Variants in CHAF1A observed in about 807,000 individuals in gnomAD.
CHAF1A encodes the protein CAF-1 subunit A.
In CHAF1A, 5 loss-of-function variants were observed where a neutral mutation model predicts 93.2. The observed-to-expected ratio is 0.05, with a 90% CI of 0.03 to 0.11. The LOEUF is 0.11. Among genes scored for constraint, CHAF1A ranks in the 10% least tolerant of loss-of-function variants. The probability of loss-of-function intolerance (pLI) is 1.00; values close to 1 mark genes in which losing one functional copy is unlikely to be tolerated. For missense variants in CHAF1A, 1,102 were observed against 1,259.9 expected, an observed-to-expected ratio of 0.87 and a Z score of 1.90; for synonymous variants, 504 against 510.3, an observed-to-expected ratio of 0.99 and a Z score of 0.17.
intron 11 of CHAF1A, chr19:4,430,888 A>T: frequency 2.0e-6 from 1 of 508,606 alleles, no homozygotes; most frequent in East Asian, 3.5e-5. Flanking sequence ...CTGGTGAGGG[A>T]GCGTGGCCAT....
In CHAF1A at chr19:4,429,471, C is replaced by G; in HGVS notation, c.1638C>G (p.Asp546Glu). Residue 546 changes from aspartate (D) to glutamate (E), a missense_variant, in exon 9 of 15, where the codon GAC becomes GAG. Physicochemically the swap from Asp to Glu is conservative, Grantham distance 45. Transcript: ENST00000301280. ...DVVIVERGKG[D>E]GVPERRKFGR... ...TCATCGTGGAGCGTGGGAAGGGCGA[C>G]GGTGTTCCCGAGAGGAGGAAGTTTG... 2 of 1,613,986 alleles carry G rather than the reference C, an allele frequency of 1.2e-6. No individual in the cohort carries two copies. Among genetic ancestry groups the G allele is most frequent in the Non-Finnish European group, 1.7e-6 (2 of 1,179,988 alleles).
chr19:4,416,734 T>C (rs1973903445), intron 3 of CHAF1A, among the ~76,000 whole-genome samples: 1 of 151,998 alleles, frequency 6.6e-6, no homozygotes, highest in Admixed American at 6.6e-5. Context: ...CCACTAAAAA[T>C]ACAAAAATTA....
chr19:4,445,823 C>G, downstream of CHAF1A: 1 of 1,034,648 alleles, frequency 9.7e-7, no homozygotes, highest in South Asian at 1.7e-5. Context: ...CACTAGCTAA[C>G]GCACGTCACC....
intron 4 of CHAF1A, among the ~76,000 whole-genome samples, chr19:4,419,343 T>G (rs964743729): frequency 2.0e-5 from 3 of 152,194 alleles, no homozygotes; most frequent in Admixed American, 6.5e-5. Context: ...GAGTGTTTCC[T>G]GAGCTCCCTG....
chr19:4,411,644 C>CTTTTTTTTTTTTTTTTTTTT (rs66491258), intron 3 of CHAF1A, among the ~76,000 whole-genome samples: 1,546 of 48,126 alleles, frequency 0.032, 469 homozygotes, highest in Non-Finnish European at 0.046. Flanking sequence ...TGGTGCAAAT[C>CTTTTTTTTTTTTTTTTTTTT]TTTTTTTTTT....
chr19:4,413,014 A>G (rs1327344841), intron 3 of CHAF1A, among the ~76,000 whole-genome samples: 2 of 152,134 alleles, frequency 1.3e-5, no homozygotes, highest in Admixed American at 6.6e-5. Flanking sequence ...ACCTTTAAGG[A>G]GTCCTGCATT....
intron 7 of CHAF1A, among the ~76,000 whole-genome samples, chr19:4,425,558 G>A (rs1234337124): frequency 6.6e-6 from 1 of 152,112 alleles, no homozygotes; most frequent in Non-Finnish European, 1.5e-5. Context: ...TGTTGCCAGG[G>A]CTGGTCTCGA....
chr19:4,431,493 G>T (rs1009414941), intron 11 of CHAF1A, among the ~76,000 whole-genome samples: 2 of 152,110 alleles, frequency 1.3e-5, no homozygotes, highest in African/African-American at 4.8e-5. Context: ...CGTTTGGGAA[G>T]TGGGGATTTG....
Position 4,442,309 on chromosome 19 carries a change from A to G in CHAF1A, c.2738A>G (p.Asp913Gly). Residue 913 changes from aspartate to glycine, a missense_variant, in exon 14 of 15, where the codon GAC becomes GGC. By Grantham distance (94) the Asp-to-Gly change is moderately conservative (BLOSUM62 -1). This residue lies in a region of CHAF1A where 119 missense variants were observed against 102.2 expected (regional missense o/e 1.16). Transcript: ENST00000301280. ...GAGGAGGAGGAAGAGGAGGAGGGCG[A>G]CTGTATGATCGTGGATGTCCCGGAT... Reference protein sequence around the residue: ...DTEEEEEEEGDCMIVDVPDAA... With the variant: ...DTEEEEEEEGGCMIVDVPDAA... The G allele has an allele frequency of 6.2e-7, 1 of 1,610,206 alleles. No individual in the cohort carries two copies. The highest frequency in any genetic ancestry group is 2.2e-5 in the East Asian group (1 of 44,824).
rs745666920 is a variant in CHAF1A at position 4,409,324 on chromosome 19, C to T, written c.525C>T (p.Thr175=). 1.2e-5 allele frequency: 19 copies of T among 1,613,990 alleles called. No homozygotes were observed. Among genetic ancestry groups the T allele is most frequent in the Non-Finnish European group, 8.5e-7 (1 of 1,180,022 alleles). ...ACAAGTTGGCATTTCCTGGAGAGAC[C>T]CTTTCAGACATTCCTTGCAAAACAG... The part of the protein sequence containing the change: ...QNDKLAFPGE[T]LSDIPCKTEE... The change falls in exon 3 of 15, where the codon ACC becomes ACT. Residue 175 remains threonine, a synonymous_variant. Coordinates refer to ENST00000301280, the MANE Select transcript of CHAF1A (RefSeq NM_005483.3).
chr19:4,435,663 C>G (rs1974270915), intron 13 of CHAF1A, among the ~76,000 whole-genome samples: 1 of 152,128 alleles, frequency 6.6e-6, no homozygotes, highest in Non-Finnish European at 1.5e-5. Context: ...AGCCACCGTG[C>G]CTGGCTCCCT....
intron 6 of CHAF1A, 51 bp downstream of exon 6, chr19:4,423,446 A>T (rs1331276088): frequency 6.2e-7 from 1 of 1,610,258 alleles, no homozygotes; most frequent in East Asian, 2.2e-5. Flanking sequence ...GGAGAAGCAG[A>T]TGCCCAAAGT....
intron 3 of CHAF1A, among the ~76,000 whole-genome samples, chr19:4,413,972 C>A (rs566459729): frequency 6.6e-6 from 1 of 152,164 alleles, no homozygotes; most frequent in Non-Finnish European, 1.5e-5. Flanking sequence ...TGTTAGTGAT[C>A]GAGATGATTA....
At chr19:4,431,654 A>T (rs962304456) in intron 11 of CHAF1A, among the ~76,000 whole-genome samples, 1 of 152,118 alleles carries the variant, frequency 6.6e-6, no homozygotes, top group Non-Finnish European at 1.5e-5. Flanking sequence ...CAACCCTGTT[A>T]AACGGCTCCA....
At chr19:4,408,870 T>C (rs776498230) in intron 2 of CHAF1A, 33 bp from the exon 3 acceptor site, 1 of 1,568,784 alleles carries the variant, frequency 6.4e-7, no homozygotes, top group African/African-American at 1.4e-5. Context: ...ACTTTAAACG[T>C]TCACTAGAGA....
chr19:4,447,758 G>A (rs1293752408), downstream of CHAF1A: 25 of 857,582 alleles, frequency 2.9e-5, no homozygotes, highest in Admixed American at 3.9e-5. Flanking sequence ...GCCCAGTGAC[G>A]CGAGGGCAGC....
chr19:4,425,335 CT>C (rs760788945), intron 7 of CHAF1A, among the ~76,000 whole-genome samples: 3 of 152,114 alleles, frequency 2.0e-5, no homozygotes, highest in Non-Finnish European at 2.9e-5. Context: ...TCACTCTAAC[CT>C]TTGTCTCCCG....
chr19:4,428,934 G>A, intron 8 of CHAF1A, 44 bp downstream of exon 8: 1 of 1,540,542 alleles, frequency 6.5e-7, no homozygotes, highest in African/African-American at 1.4e-5. Context: ...AGTGATGCTG[G>A]AGGCCAGCAT....
rs368023959 is a variant in CHAF1A, at chr19:4,418,005, G to T, written c.961-15G>T. ...AAATAACCCGTGTTTAAAGATAAAC[G>T]TCTTCTGTTTTCAGATAACTAAGAA... is the stretch of plus-strand genomic sequence containing the variant. On this transcript the variant is annotated splice_polypyrimidine_tract_variant and intron_variant, in intron 3 of 14. Coordinates refer to ENST00000301280, the MANE Select transcript of CHAF1A (RefSeq NM_005483.3). 3.0e-5 allele frequency: 47 copies of T among 1,586,160 alleles called. No homozygotes were observed. The highest frequency in any genetic ancestry group is 8.1e-5 in the African/African-American group (6 of 73,864).
Sources: gnomAD v4.1 joint callset for allele counts (sites outside exome capture counted in the v4.1 genomes callset) on GRCh38, gnomAD v4.1.1 for gene constraint, gnomAD v4.1.1 regional missense constraint, MANE v1.5 for transcripts, NCBI Gene and HGNC (gene_info 2026-07-23, HGNC 2026-07-21) for gene names.